TMEM132D: variants seen among roughly 807,000 people sequenced by gnomAD.
TMEM132D encodes transmembrane protein 132D.
TMEM132D carries 21 observed loss-of-function variants against 62.3 expected under a neutral mutation model. That is an observed-to-expected ratio of 0.34 (90% CI 0.24 to 0.49). The LOEUF is 0.49. TMEM132D is among the 20% of genes least tolerant of loss of function. The probability of loss-of-function intolerance (pLI) is 0.99; values close to 1 mark genes in which losing one functional copy is unlikely to be tolerated. For synonymous variants in TMEM132D, 621 were observed against 575.6 expected, an observed-to-expected ratio of 1.08 and a Z score of -1.13; for missense variants, 1,346 against 1,402.8, an observed-to-expected ratio of 0.96 and a Z score of 0.65.
At chr12:129,203,480 C>T (rs761852950) in intron 5 of TMEM132D, among the ~76,000 whole-genome samples, 5 of 152,238 alleles carry the variant, frequency 3.3e-5, no homozygotes, top group Non-Finnish European at 5.9e-5. Context: ...TGGGTGCAGC[C>T]TCCTGTGGTC....
chr12:129,201,130 T>C (rs898637100), intron 5 of TMEM132D, among the ~76,000 whole-genome samples: 7 of 152,222 alleles, frequency 4.6e-5, no homozygotes, highest in Admixed American at 1.3e-4. Context: ...TTGATTTTTA[T>C]CAGTGGACAT....
intron 7 of TMEM132D, among the ~76,000 whole-genome samples, chr12:129,079,294 C>T (rs1443603983): frequency 2.0e-5 from 3 of 152,098 alleles, no homozygotes; most frequent in Non-Finnish European, 2.9e-5. Context: ...GGAAACGCAG[C>T]GCATGATGCC....
chr12:129,084,626 G>A lies in TMEM132D; in HGVS notation c.1520C>T (p.Thr507Ile), dbSNP rs752106236. The A allele has an allele frequency of 6.2e-7, 1 of 1,614,180 alleles. No individual in the cohort carries two copies. Among genetic ancestry groups the A allele is most frequent in the Non-Finnish European group, 8.5e-7 (1 of 1,180,026 alleles). Residue 507 changes from threonine (T) to isoleucine (I), a missense_variant, in exon 6 of 9, where the codon ACC becomes ATC. Thr to Ile is a moderately conservative substitution (Grantham distance 89). Transcript: ENST00000422113. ...KGKVNVVVNFTYQHLSSPLEM... is the reference protein window; with the variant it reads ...KGKVNVVVNFIYQHLSSPLEM... ...CAGGGGGCTGCTCAGGTGCTGGTAG[G>A]TGAAGTTCACCACCACGTTGACCTT...
chr12:129,550,452 C>A (rs572156188), intron 2 of TMEM132D, among the ~76,000 whole-genome samples: 1 of 152,266 alleles, frequency 6.6e-6, no homozygotes, highest in East Asian at 1.9e-4. Flanking sequence ...GACTCCCAAG[C>A]ACAATGCTTG....
chr12:129,651,048 A>C (rs1188850105), intron 2 of TMEM132D, among the ~76,000 whole-genome samples: 1 of 152,122 alleles, frequency 6.6e-6, no homozygotes, highest in Non-Finnish European at 1.5e-5. Context: ...GGTGTTCCTT[A>C]TCTATTTATC....
intron 1 of TMEM132D, among the ~76,000 whole-genome samples, chr12:129,760,864 G>A (rs1008181655): frequency 4.6e-5 from 7 of 151,940 alleles, no homozygotes; most frequent in Non-Finnish European, 8.8e-5. Flanking sequence ...CCGTGTGTCC[G>A]TGTGTTCTCA....
chr12:129,184,279 C>T (rs767750175), intron 5 of TMEM132D, among the ~76,000 whole-genome samples: 2 of 152,184 alleles, frequency 1.3e-5, no homozygotes, highest in South Asian at 2.1e-4. Context: ...AATTCTTTAC[C>T]GCTGATAAAT....
Position 129,081,948 on chromosome 12 carries a change from C to T in TMEM132D, c.1734G>A (p.Arg578=), listed in dbSNP as rs769293573. The T allele has an allele frequency of 7.4e-6, 12 of 1,613,926 alleles. No individual in the cohort carries two copies. The Admixed American group carries it at 1.2e-4, about 16-fold the overall frequency. ...CCTCAGCCACAAACTGCGTCAGGAC[C>T]CGCACCATGGCGTGCTGGTACTGCA... ...CTLQYQHAMV[R]VLTQFVAEAA... The change falls in exon 7 of 9, where the codon CGG becomes CGA. Residue 578 remains arginine (R), a synonymous_variant. Coordinates refer to ENST00000422113, the MANE Select transcript of TMEM132D (RefSeq NM_133448.3).
rs1351872356 is a variant in TMEM132D, at chr12:129,116,330, C to G, written c.1444-31628G>C. Among the ~76,000 whole-genome samples, 3 of 152,216 alleles carry G rather than the reference C, an allele frequency of 2.0e-5. No homozygotes were observed. The South Asian group carries it at 6.2e-4, about 32-fold the overall frequency. On this transcript the variant is annotated intron_variant, in intron 5 of 8. Coordinates refer to ENST00000422113, the MANE Select transcript of TMEM132D (RefSeq NM_133448.3). ...CTTCTCAGGGAAAGACAACAGCTGGCCAGTCCTAGTCATTTATTAGAGAGA... is the reference window on the plus strand; with the variant it reads ...CTTCTCAGGGAAAGACAACAGCTGGGCAGTCCTAGTCATTTATTAGAGAGA...
chr12:129,595,764 G>A (rs1878319003), intron 2 of TMEM132D, among the ~76,000 whole-genome samples: 1 of 152,218 alleles, frequency 6.6e-6, no homozygotes, highest in African/African-American at 2.4e-5. Context: ...CTGACCGACT[G>A]CAGATATGGG....
At chr12:129,186,845 C>A (rs1311704630) in intron 5 of TMEM132D, among the ~76,000 whole-genome samples, 1 of 152,164 alleles carries the variant, frequency 6.6e-6, no homozygotes, top group Non-Finnish European at 1.5e-5. Context: ...TTTTTCAGAA[C>A]TGATTTTGTC....
intron 2 of TMEM132D, among the ~76,000 whole-genome samples, chr12:129,562,749 C>G (rs1877269692): frequency 6.6e-6 from 1 of 152,186 alleles, no homozygotes; most frequent in African/African-American, 2.4e-5. Flanking sequence ...GCCCTCTATG[C>G]ATGTTAAAGG....
intron 2 of TMEM132D, among the ~76,000 whole-genome samples, chr12:129,546,996 G>A (rs1876755866): frequency 6.6e-6 from 1 of 152,080 alleles, no homozygotes; most frequent in Admixed American, 6.5e-5. Flanking sequence ...CCCACAAACT[G>A]GGTGGCATAA....
At chr12:129,403,792 C>T (rs1328475804) in intron 3 of TMEM132D, among the ~76,000 whole-genome samples, 1 of 152,080 alleles carries the variant, frequency 6.6e-6, no homozygotes. Context: ...AATGAGGGTG[C>T]TTACTAGGAA....
chr12:129,796,828 T>C (rs751901317), intron 1 of TMEM132D, among the ~76,000 whole-genome samples: 43 of 152,146 alleles, frequency 2.8e-4, no homozygotes, highest in Admixed American at 2.6e-3. Flanking sequence ...TGTATACCTA[T>C]GTAACCAACC....
At chr12:129,342,088 A>G (rs1869508940) in intron 3 of TMEM132D, among the ~76,000 whole-genome samples, 1 of 152,210 alleles carries the variant, frequency 6.6e-6, no homozygotes, top group Non-Finnish European at 1.5e-5. Flanking sequence ...TAAAGTTCAT[A>G]TGGAACCAAA....
At chr12:129,116,947 A>AAAAAAAAAAC (rs1875913016) in intron 5 of TMEM132D, among the ~76,000 whole-genome samples, 1 of 126,118 alleles carries the variant, frequency 7.9e-6, no homozygotes, top group South Asian at 2.6e-4. Flanking sequence ...AAAAAAAAAA[A>AAAAAAAAAAC]TCTGTACGTG....
intron 3 of TMEM132D, among the ~76,000 whole-genome samples, chr12:129,475,431 A>G (rs1454966644): frequency 6.6e-6 from 1 of 152,236 alleles, no homozygotes; most frequent in African/African-American, 2.4e-5. Context: ...CTGTTTCCTC[A>G]ATCTATAAAA....
At chr12:129,530,990 G>GCAAAAA in intron 3 of TMEM132D, 69 bp downstream of exon 3, 1 of 1,267,186 alleles carries the variant, frequency 7.9e-7, no homozygotes, top group South Asian at 1.9e-5. Flanking sequence ...AGCAATCTAG[G>GCAAAAA]AAAAAAAAAA....
Sources: gnomAD v4.1 joint callset for allele counts (sites outside exome capture counted in the v4.1 genomes callset) on GRCh38, gnomAD v4.1.1 for gene constraint, MANE v1.5 for transcripts, NCBI Gene and HGNC (gene_info 2026-07-23, HGNC 2026-07-21) for gene names.